The following RPS6KA2 variants were observed in gnomAD, a reference collection of about 807,000 sequenced individuals.
RPS6KA2 encodes the protein ribosomal protein S6 kinase alpha-2.
RPS6KA2 carries 42 observed loss-of-function variants against 91.8 expected under a neutral mutation model. That is an observed-to-expected ratio of 0.46 (90% CI 0.36 to 0.59). The LOEUF is 0.59. Among genes scored for constraint, RPS6KA2 ranks in the 20% least tolerant of loss-of-function variants. The pLI is 0.00. For synonymous variants in RPS6KA2, 414 were observed against 393.6 expected (o/e 1.05, Z -0.61); for missense variants, 798 against 978.5 (o/e 0.82, Z 2.46).
intron 12 of RPS6KA2, among the ~76,000 whole-genome samples, chr6:166,455,002 C>T (rs1780049248): frequency 6.6e-6 from 1 of 151,154 alleles, no homozygotes; most frequent in Non-Finnish European, 1.5e-5. Context: ...CACATATGTA[C>T]AAATTTAAAC....
intron 2 of RPS6KA2, among the ~76,000 whole-genome samples, chr6:166,816,146 C>T (rs565038567): frequency 1.3e-5 from 2 of 152,164 alleles, no homozygotes; most frequent in South Asian, 2.1e-4. Flanking sequence ...AAGCAAAATC[C>T]TGCTTCGTTC....
At chr6:166,811,275 C>T (rs1779634523) in intron 2 of RPS6KA2, among the ~76,000 whole-genome samples, 3 of 152,244 alleles carry the variant, frequency 2.0e-5, no homozygotes, top group Admixed American at 2.0e-4. Flanking sequence ...TGACCGCCAA[C>T]AGCCCTGGTT....
At chr6:166,672,286 GCGATACT>G (rs922966070) in intron 2 of RPS6KA2, among the ~76,000 whole-genome samples, 5 of 152,114 alleles carry the variant, frequency 3.3e-5, no homozygotes, top group Non-Finnish European at 5.9e-5. Context: ...TGCACCACAA[GCGATACT>G]CAACCAGAAG....
chr6:166,436,334 A>C (rs893926652), intron 14 of RPS6KA2, among the ~76,000 whole-genome samples: 7 of 150,642 alleles, frequency 4.6e-5, no homozygotes, highest in Non-Finnish European at 1.0e-4. Flanking sequence ...AAAAAAAAAA[A>C]CCTCAGATGT....
chr6:166,542,909 G>T (rs1783707074), intron 1 of RPS6KA2, among the ~76,000 whole-genome samples: 1 of 152,092 alleles, frequency 6.6e-6, no homozygotes, highest in Non-Finnish European at 1.5e-5. Context: ...AATAGGCAAG[G>T]GTTCACCTCA....
At chr6:166,578,702 G>A (rs888382018) in intron 1 of RPS6KA2, among the ~76,000 whole-genome samples, 2 of 152,212 alleles carry the variant, frequency 1.3e-5, no homozygotes, top group Non-Finnish European at 2.9e-5. Flanking sequence ...GTCTGGACCA[G>A]CAGGGCTGCT....
chr6:166,609,071 C>T (rs1055471310), intron 1 of RPS6KA2, among the ~76,000 whole-genome samples: 1 of 152,168 alleles, frequency 6.6e-6, no homozygotes, highest in African/African-American at 2.4e-5. Context: ...GTTTACTCCA[C>T]TCTAGGATTA....
At position 166,842,566 on chromosome 6, in the gene RPS6KA2, A is replaced by G. The variant is rs117436428; in HGVS notation, c.123+15634T>C. Among the ~76,000 whole-genome samples, 72 of 152,296 alleles carry G rather than the reference A, an allele frequency of 4.7e-4. 2 individuals are homozygous for G. In the East Asian group the frequency reaches 0.011, roughly 23 times the overall value. On this transcript the variant is annotated intron_variant, in intron 2 of 21. Transcript: ENST00000503859. ...GCTATTTAAGCTGCCCGGTGCATGG[A>G]ACTTTGTTGCAAGGCTCCAGGAGAC...
At chr6:166,651,158 G>A (rs994441415) in intron 2 of RPS6KA2, among the ~76,000 whole-genome samples, 3 of 152,106 alleles carry the variant, frequency 2.0e-5, no homozygotes, top group East Asian at 1.9e-4. Flanking sequence ...AGATTTCTTG[G>A]TTTAAAATTG....
Position 166,412,689 on chromosome 6 carries a change from A to G in RPS6KA2, c.*73T>C. 1 of 1,443,550 alleles carries G rather than the reference A, an allele frequency of 6.9e-7. No homozygotes were observed. Among genetic ancestry groups the G allele is most frequent in the Non-Finnish European group, 9.3e-7 (1 of 1,077,554 alleles). The allele number at this position is 1,443,550 out of a possible 1,614,324, so 89.4% of individuals were successfully genotyped here. On this transcript the variant is annotated 3_prime_UTR_variant, in exon 21 of 21. Coordinates refer to ENST00000265678, the MANE Select transcript of RPS6KA2 (RefSeq NM_021135.6). This position sits in a 1 kb window ranked among gnomAD's most constrained non-coding sequence, Gnocchi z 4.3. ...GACTTGTGGTCACTCTGGGTGCCAGACGGGCTCCGAGGCCGGGGTCTGTGA... is the reference window on the plus strand; with the variant it reads ...GACTTGTGGTCACTCTGGGTGCCAGGCGGGCTCCGAGGCCGGGGTCTGTGA...
intron 2 of RPS6KA2, among the ~76,000 whole-genome samples, chr6:166,834,587 T>A (rs1396102745): frequency 6.6e-6 from 1 of 152,234 alleles, no homozygotes. Context: ...ATAACAAACC[T>A]GCACGTGCAG....
At chr6:166,790,500 G>A (rs907353942) in intron 2 of RPS6KA2, among the ~76,000 whole-genome samples, 2 of 152,068 alleles carry the variant, frequency 1.3e-5, no homozygotes, top group Admixed American at 1.3e-4. Flanking sequence ...TCAGATTCAG[G>A]AAATACAGAG....
At chr6:166,674,006 C>T (rs1305476738) in intron 2 of RPS6KA2, among the ~76,000 whole-genome samples, 2 of 152,208 alleles carry the variant, frequency 1.3e-5, no homozygotes, top group African/African-American at 4.8e-5. Flanking sequence ...CTTCACAAAG[C>T]GTGTCAACAG....
In RPS6KA2 at chr6:166,665,790, G is replaced by A. The variant is rs528194181; in HGVS notation, c.124-127006C>T. On this transcript the variant is annotated intron_variant, in intron 2 of 21. Coordinates refer to the RPS6KA2 transcript ENST00000503859. The surrounding 1 kb of genome is among the most constrained non-coding windows in gnomAD (Gnocchi z 4.5). ...GGAGAAACTTGGTTGTTCATGTCAC[G>A]GAGAAGGAAGCCGAGTGAGGATGAG... is the stretch of plus-strand genomic sequence containing the variant. 4.3e-4 allele frequency among the ~76,000 whole-genome samples: 65 copies of A among 152,238 alleles called. No homozygotes were observed. The highest frequency in any genetic ancestry group is 3.9e-3 in the Admixed American group (60 of 15,302).
At chr6:166,543,719 A>T (rs1314518255) in intron 1 of RPS6KA2, among the ~76,000 whole-genome samples, 1 of 152,236 alleles carries the variant, frequency 6.6e-6, no homozygotes, top group Non-Finnish European at 1.5e-5. Context: ...AAACCATGTG[A>T]ATAAACACTG....
chr6:166,536,061 T>C (rs950998121), intron 2 of RPS6KA2, among the ~76,000 whole-genome samples: 1 of 152,208 alleles, frequency 6.6e-6, no homozygotes, highest in African/African-American at 2.4e-5. Flanking sequence ...CTGGCACCAG[T>C]GCAAAAAGTC....
At chr6:166,430,654 G>A (rs1779095492) in intron 15 of RPS6KA2, 43 bp from the exon 16 acceptor site, 1 of 1,576,464 alleles carries the variant, frequency 6.3e-7, no homozygotes, top group Non-Finnish European at 8.6e-7. Flanking sequence ...ACGGCTGGTT[G>A]CTGTGAAAGA....
chr6:166,829,544 C>A (rs1174587549), intron 2 of RPS6KA2, among the ~76,000 whole-genome samples: 2 of 136,350 alleles, frequency 1.5e-5, no homozygotes, highest in African/African-American at 5.8e-5. Flanking sequence ...GAGCCAAGAT[C>A]GCGCCACTGC....
rs1344722107 is a variant in RPS6KA2, at chr6:166,437,303, T to C, written c.1333-4813A>G. 6.6e-6 allele frequency among the ~76,000 whole-genome samples: 1 copy of C among 152,206 alleles called. No homozygotes were observed. Among genetic ancestry groups the C allele is most frequent in the Non-Finnish European group, 1.5e-5 (1 of 68,036 alleles). The stretch of plus-strand genomic sequence containing the variant: ...GTCTTACTCTTATTAGAGCAAGCTC[T>C]GGTGGACGGCGTTCCTCATTCTGAG... On this transcript the variant is annotated intron_variant, in intron 14 of 20. Transcript: ENST00000265678. The surrounding 1 kb of genome is among the most constrained non-coding windows in gnomAD (Gnocchi z 4.3).
Sources: allele counts gnomAD v4.1 joint callset (sites outside exome capture counted in the v4.1 genomes callset), GRCh38; gene constraint gnomAD v4.1.1; non-coding constraint Gnocchi (gnomAD v3.1); transcripts MANE v1.5; gene names NCBI Gene and HGNC (gene_info 2026-07-23, HGNC 2026-07-21).